The following DAB2IP variants were observed in gnomAD, a reference collection of about 807,000 sequenced individuals.
DAB2IP encodes the protein disabled homolog 2-interacting protein.
In DAB2IP, 28 loss-of-function variants were observed where a neutral mutation model predicts 107.2. That is an observed-to-expected ratio of 0.26 (90% CI 0.19 to 0.36). The LOEUF is 0.36. Ranked by LOEUF, DAB2IP falls within the 10% of genes least tolerant of loss-of-function variation. The pLI is 1.00. For synonymous variants in DAB2IP, 755 were observed against 706.4 expected, an observed-to-expected ratio of 1.07 and a Z score of -1.09; for missense variants, 1,400 against 1,644.7, an observed-to-expected ratio of 0.85 and a Z score of 2.57.
intron 1 of DAB2IP, among the ~76,000 whole-genome samples, chr9:121,637,746 T>C (rs530691893): frequency 6.6e-6 from 1 of 152,286 alleles, no homozygotes; most frequent in East Asian, 1.9e-4. Flanking sequence ...AAATGTATTA[T>C]TAAATGGCAG....
At chr9:121,591,767 T>C (rs2118929850) in intron 1 of DAB2IP, among the ~76,000 whole-genome samples, 1 of 152,278 alleles carries the variant, frequency 6.6e-6, no homozygotes, top group Admixed American at 6.5e-5. Flanking sequence ...ATAAGGACAG[T>C]GGTTGAAGCC....
chr9:121,644,750 A>G (rs146820453), intron 1 of DAB2IP, among the ~76,000 whole-genome samples: 211 of 152,322 alleles, frequency 1.4e-3, no homozygotes, highest in African/African-American at 4.8e-3. Flanking sequence ...ATATTCATAT[A>G]CCCCTTTATA....
chr9:121,725,729 G>A (rs144414506), intron 3 of DAB2IP, among the ~76,000 whole-genome samples: 2,236 of 152,296 alleles, frequency 0.015, 44 homozygotes, highest in Non-Finnish European at 0.022. Context: ...TTGAGGGAGG[G>A]AAAGGGCTTT....
rs1297545878 is a variant in DAB2IP at position 121,634,006 on chromosome 9, C to T, written c.41-44672C>T. 6.6e-6 allele frequency among the ~76,000 whole-genome samples: 1 copy of T among 152,052 alleles called. No individual in the cohort carries two copies. Among genetic ancestry groups the T allele is most frequent in the East Asian group, 1.9e-4 (1 of 5,182 alleles). On this transcript the variant is annotated intron_variant, in intron 1 of 16. Coordinates refer to the DAB2IP transcript ENST00000259371. This position sits in a 1 kb window ranked among gnomAD's most constrained non-coding sequence, Gnocchi z 4.7. Reference sequence around the variant, plus strand: ...ATTAGTTACTTCCTCCCTTGTGGTCCCTCTGCCTTGGGCCCTTGTTCGAGA... The same window carrying T: ...ATTAGTTACTTCCTCCCTTGTGGTCTCTCTGCCTTGGGCCCTTGTTCGAGA...
chr9:121,712,651 A>G (rs960153636), intron 3 of DAB2IP, among the ~76,000 whole-genome samples: 2 of 152,186 alleles, frequency 1.3e-5, no homozygotes, highest in Non-Finnish European at 2.9e-5. Context: ...TGCCCCCAAC[A>G]TGTGGTTGAC....
chr9:121,774,442 G>C (rs1378731138), intron 13 of DAB2IP, 30 bp downstream of exon 13: 6 of 1,565,556 alleles, frequency 3.8e-6, no homozygotes, highest in Middle Eastern at 1.7e-4. Flanking sequence ...GCTCGGGACA[G>C]GGCGGGGCTG....
chr9:121,578,095 T>C lies in DAB2IP; in HGVS notation c.40+10867T>C, dbSNP rs1830106255. On this transcript the variant is annotated intron_variant, in intron 1 of 16. Transcript: ENST00000259371. The stretch of plus-strand genomic sequence containing the variant: ...TGCTCAGAGACCCTTTAGTCTCTCC[T>C]TTGCCAGTTCTGTGGCGGGTGGGGT... 2.6e-5 allele frequency among the ~76,000 whole-genome samples: 4 copies of C among 151,874 alleles called. No homozygotes were observed. In the South Asian group the frequency reaches 8.3e-4, roughly 32 times the overall value.
chr9:121,753,800 G>A (rs1047579009), intron 3 of DAB2IP, among the ~76,000 whole-genome samples: 3 of 152,234 alleles, frequency 2.0e-5, no homozygotes, highest in African/African-American at 7.2e-5. Context: ...GTAGAGACCA[G>A]TGCCTGCTTC....
At chr9:121,783,434 A>G (rs961192139) in exon 16 of DAB2IP, 17 of 1,609,554 alleles carry the variant, frequency 1.1e-5, no homozygotes, top group Non-Finnish European at 1.4e-5. Flanking sequence ...GCTCACCCTG[A>G]AAGAAAAGGT....
chr9:121,683,558 C>G (rs957604821), intron 2 of DAB2IP, among the ~76,000 whole-genome samples: 3 of 152,002 alleles, frequency 2.0e-5, no homozygotes, highest in Admixed American at 1.3e-4. Flanking sequence ...CTATTTTTTG[C>G]GAGATGGAGA....
intron 1 of DAB2IP, 32 bp from the exon 2 acceptor site, chr9:121,678,646 T>A (rs747063942): frequency 1.4e-6 from 2 of 1,472,478 alleles, no homozygotes; most frequent in Non-Finnish European, 1.8e-6. Context: ...TGGCTGTTCT[T>A]GTTCAACCTC....
chr9:121,697,034 A>G (rs1829463837), intron 2 of DAB2IP, among the ~76,000 whole-genome samples: 1 of 152,148 alleles, frequency 6.6e-6, no homozygotes, highest in Admixed American at 6.5e-5. Flanking sequence ...GGGTATTAGG[A>G]GTCCCCAAGG....
chr9:121,593,218 G>A lies in DAB2IP; in HGVS notation c.40+25990G>A, dbSNP rs35683653. ...CCTGCCTCAGCCTTCCAAGTAGCTG[G>A]GACCACAGGCATGCTCACCACTGTG... is the stretch of plus-strand genomic sequence containing the variant. On this transcript the variant is annotated intron_variant, in intron 1 of 16. Coordinates refer to the DAB2IP transcript ENST00000259371. Among the ~76,000 whole-genome samples, 416 of 152,148 alleles carry A rather than the reference G, an allele frequency of 2.7e-3. 1 individual carries two copies. The highest frequency in any genetic ancestry group is 3.4e-3 in the Middle Eastern group (1 of 294).
chr9:121,673,675 G>T (rs1171953576), intron 1 of DAB2IP, among the ~76,000 whole-genome samples: 1 of 152,158 alleles, frequency 6.6e-6, no homozygotes, highest in Non-Finnish European at 1.5e-5. Flanking sequence ...AGAAACGTGG[G>T]TCCAGAACCC....
intron 1 of DAB2IP, among the ~76,000 whole-genome samples, chr9:121,627,996 G>A (rs1168656182): frequency 6.6e-6 from 1 of 152,148 alleles, no homozygotes; most frequent in Non-Finnish European, 1.5e-5. Context: ...TCAGGCTTGG[G>A]TGCCAGCATC....
intron 11 of DAB2IP, among the ~76,000 whole-genome samples, chr9:121,771,921 G>A (rs192010492): frequency 6.6e-6 from 1 of 151,434 alleles, no homozygotes; most frequent in East Asian, 2.0e-4. Flanking sequence ...CCCCGCCACA[G>A]TTGTGCTTTC....
intron 1 of DAB2IP, among the ~76,000 whole-genome samples, chr9:121,579,050 T>C (rs1830132261): frequency 6.6e-6 from 1 of 152,046 alleles, no homozygotes; most frequent in Non-Finnish European, 1.5e-5. Context: ...AGGCTCTGGT[T>C]GGGGGTAGGT....
chr9:121,716,183 G>A (rs1284319642), intron 3 of DAB2IP, among the ~76,000 whole-genome samples: 3 of 152,194 alleles, frequency 2.0e-5, no homozygotes, highest in Non-Finnish European at 4.4e-5. Context: ...TCTCTGAGAG[G>A]GTCACAGGCC....
At chr9:121,652,534 ACTTC>A (rs1312379160) in intron 1 of DAB2IP, among the ~76,000 whole-genome samples, 1 of 152,020 alleles carries the variant, frequency 6.6e-6, no homozygotes, top group Non-Finnish European at 1.5e-5. Flanking sequence ...GGTGGCCGGG[ACTTC>A]CTTCCCTGGC....
Sources: allele counts gnomAD v4.1 joint callset (sites outside exome capture counted in the v4.1 genomes callset), GRCh38; gene constraint gnomAD v4.1.1; non-coding constraint Gnocchi (gnomAD v3.1); transcripts MANE v1.5; gene names NCBI Gene and HGNC (gene_info 2026-07-23, HGNC 2026-07-21).